The following TAFA1 variants were observed in gnomAD, a reference collection of about 807,000 sequenced individuals.
TAFA1 encodes chemokine-like protein TAFA-1.
A neutral mutation model predicts 18.5 loss-of-function variants in TAFA1; 4 were observed. That is an observed-to-expected ratio of 0.22 (90% CI 0.11 to 0.49). The LOEUF (loss-of-function observed/expected upper bound fraction) is 0.49, where lower values mean the gene tolerates loss of function less well. Among genes scored for constraint, TAFA1 ranks in the 20% least tolerant of loss-of-function variants. TAFA1 has a pLI of 0.98. For synonymous variants in TAFA1, 56 were observed against 55.2 expected (o/e 1.01, Z -0.06); for missense variants, 147 against 169.0 (o/e 0.87, Z 0.72).
At position 68,545,597 on chromosome 3, in the gene TAFA1, A is replaced by G. The variant is rs771677228; in HGVS notation, c.*1094A>G. The stretch of plus-strand genomic sequence containing the variant: ...GACCAAATGTTGGACAGCCCTATTA[A>G]AGTGGTAAACAACTTCTTTCTAAAC... On this transcript the variant is annotated 3_prime_UTR_variant, in exon 5 of 5. Coordinates refer to ENST00000478136, the MANE Select transcript of TAFA1 (RefSeq NM_213609.4). 1.3e-5 allele frequency: 2 copies of G among 152,576 alleles called. No individual in the cohort carries two copies. Among genetic ancestry groups the G allele is most frequent in the Non-Finnish European group, 2.9e-5 (2 of 68,002 alleles). The allele number at this position is 152,576 out of a possible 1,614,324, so 9.5% of individuals were successfully genotyped here.
chr3:68,133,482 ATTC>A (rs2065568329), intron 2 of TAFA1, among the ~76,000 whole-genome samples: 1 of 152,098 alleles, frequency 6.6e-6, no homozygotes, highest in Admixed American at 6.6e-5. Flanking sequence ...CACAATATTT[ATTC>A]TTCTGATCCA....
intron 3 of TAFA1, among the ~76,000 whole-genome samples, chr3:68,435,141 T>C (rs763297358): frequency 6.6e-6 from 1 of 152,056 alleles, no homozygotes; most frequent in Admixed American, 6.6e-5. Context: ...TGGCTTCTCA[T>C]CAGAACTAAC....
intron 2 of TAFA1, among the ~76,000 whole-genome samples, chr3:68,377,941 G>A (rs1001408347): frequency 6.6e-6 from 1 of 152,178 alleles, no homozygotes; most frequent in Non-Finnish European, 1.5e-5. Flanking sequence ...GGGCCTGTGG[G>A]TACACAGAAG....
chr3:68,313,207 A>G (rs534665237), intron 2 of TAFA1, among the ~76,000 whole-genome samples: 2 of 152,316 alleles, frequency 1.3e-5, no homozygotes, highest in South Asian at 2.1e-4. Flanking sequence ...TGTTGCTTAT[A>G]ACATTAATGT....
chr3:68,243,403 C>T (rs142142023), intron 2 of TAFA1, among the ~76,000 whole-genome samples: 15 of 152,044 alleles, frequency 9.9e-5, no homozygotes, highest in African/African-American at 2.2e-4. Context: ...TCCAGAATTA[C>T]GATATTTAAT....
At chr3:68,420,211 T>C (rs1156793792) in intron 3 of TAFA1, among the ~76,000 whole-genome samples, 1 of 152,136 alleles carries the variant, frequency 6.6e-6, no homozygotes, top group Non-Finnish European at 1.5e-5. Context: ...AGGAGCAAGC[T>C]TATGTGGCAT....
intron 2 of TAFA1, among the ~76,000 whole-genome samples, chr3:68,262,326 T>C (rs1274559601): frequency 1.4e-5 from 1 of 70,704 alleles, no homozygotes; most frequent in African/African-American, 5.4e-5. Context: ...TATATATATA[T>C]ATATATATAT....
At position 68,262,347 on chromosome 3, in the gene TAFA1, A is replaced by ATT. The variant is rs1559585985; in HGVS notation, c.119-154932_119-154931insTT. Among the ~76,000 whole-genome samples, 18 of 87,252 alleles carry ATT rather than the reference A, an allele frequency of 2.1e-4. 1 individual carries two copies. The South Asian group carries it at 3.5e-3, about 17-fold the overall frequency. The allele number at this position is 87,252 out of a possible 152,430, so 57.2% of individuals were successfully genotyped here. A position where few individuals can be genotyped will look rare whatever the true frequency, so the allele number is the denominator to read the frequency against. ...TATATATATATATATATATATATAT[A>ATT]TATATATATATTTCATGGGTATATT... On this transcript the variant is annotated intron_variant, in intron 2 of 4. Transcript: ENST00000478136.
At chr3:68,114,948 T>G (rs1429199646) in intron 2 of TAFA1, among the ~76,000 whole-genome samples, 3 of 152,220 alleles carry the variant, frequency 2.0e-5, no homozygotes, top group Non-Finnish European at 4.4e-5. Flanking sequence ...GCCTGCTATA[T>G]TATTCCAATT....
At chr3:68,401,599 T>A (rs1450063857) in intron 2 of TAFA1, among the ~76,000 whole-genome samples, 1 of 152,210 alleles carries the variant, frequency 6.6e-6, no homozygotes, top group African/African-American at 2.4e-5. Flanking sequence ...ATCTCCAGAC[T>A]TGCGTCTTTT....
At chr3:68,380,249 G>A (rs1247250592) in intron 2 of TAFA1, among the ~76,000 whole-genome samples, 1 of 152,150 alleles carries the variant, frequency 6.6e-6, no homozygotes, top group East Asian at 1.9e-4. Context: ...TGTCTTTATA[G>A]CAGCATGATT....
At chr3:68,408,418 A>G (rs1031203783) in intron 2 of TAFA1, among the ~76,000 whole-genome samples, 3 of 152,194 alleles carry the variant, frequency 2.0e-5, no homozygotes, top group Non-Finnish European at 4.4e-5. Flanking sequence ...TGATTTCTCT[A>G]GAAGGTATAT....
intron 3 of TAFA1, among the ~76,000 whole-genome samples, chr3:68,443,842 C>T (rs1020567239): frequency 2.0e-5 from 3 of 152,088 alleles, no homozygotes; most frequent in Non-Finnish European, 4.4e-5. Flanking sequence ...TCCTATAAAC[C>T]ACAACATGAG....
chr3:68,056,323 C>T (rs2064536619), intron 2 of TAFA1, among the ~76,000 whole-genome samples: 1 of 152,080 alleles, frequency 6.6e-6, no homozygotes, highest in Admixed American at 6.6e-5. Context: ...ACTGAAAGTC[C>T]CACATCCTGA....
intron 2 of TAFA1, among the ~76,000 whole-genome samples, chr3:68,311,120 A>G (rs1370832451): frequency 3.3e-5 from 5 of 152,156 alleles, no homozygotes; most frequent in Non-Finnish European, 5.9e-5. Context: ...TAAAACTGTC[A>G]GATCTCATGA....
At chr3:68,046,405 T>A (rs2064384044) in intron 2 of TAFA1, among the ~76,000 whole-genome samples, 1 of 152,346 alleles carries the variant, frequency 6.6e-6, no homozygotes, top group East Asian at 1.9e-4. Context: ...ATTTCAACTT[T>A]ATTAAAAAAT....
chr3:68,079,716 G>C (rs1233291333), intron 2 of TAFA1, among the ~76,000 whole-genome samples: 3 of 152,162 alleles, frequency 2.0e-5, no homozygotes, highest in African/African-American at 7.2e-5. Flanking sequence ...ATTTGCTGAG[G>C]AGAGCTTTAC....
intron 3 of TAFA1, among the ~76,000 whole-genome samples, chr3:68,445,101 C>G (rs1201114676): frequency 1.3e-5 from 2 of 152,056 alleles, no homozygotes; most frequent in Non-Finnish European, 2.9e-5. Flanking sequence ...TTAAACAAAA[C>G]TTAGACATGC....
chr3:68,281,271 A>G lies in TAFA1; in HGVS notation c.119-136009A>G, dbSNP rs185456378. Among the ~76,000 whole-genome samples, 968 of 152,230 alleles carry G rather than the reference A, an allele frequency of 6.4e-3. 2 individuals carry two copies. Among genetic ancestry groups the G allele is most frequent in the Admixed American group, 9.4e-3 (143 of 15,276 alleles). ...TGGATATAAACTGTCAGCCTCATAC[A>G]TTACAAAACGACTTAAAATTCCACA... On this transcript the variant is annotated intron_variant, in intron 2 of 4. Coordinates refer to ENST00000478136, the MANE Select transcript of TAFA1 (RefSeq NM_213609.4).
Sources: gnomAD v4.1 joint callset for allele counts (sites outside exome capture counted in the v4.1 genomes callset) on GRCh38, gnomAD v4.1.1 for gene constraint, MANE v1.5 for transcripts, NCBI Gene and HGNC (gene_info 2026-07-23, HGNC 2026-07-21) for gene names.